The following RAD51C variants were observed in gnomAD, a reference collection of about 807,000 sequenced individuals.
RAD51C encodes RAD51 paralog C, also known as DNA repair protein RAD51 homolog 3.
In RAD51C, 42 loss-of-function variants were observed where a neutral mutation model predicts 45.0. The ratio of observed to expected loss-of-function variants is 0.93; its 90% CI spans 0.73 to 1.21. The LOEUF (loss-of-function observed/expected upper bound fraction) is 1.21. Ranked by LOEUF, RAD51C falls within the 50% of genes most tolerant of loss-of-function variation. The probability of loss-of-function intolerance (pLI) is 0.00; values close to 1 mark genes in which losing one functional copy is unlikely to be tolerated. For synonymous variants in RAD51C, 172 were observed against 159.8 expected (o/e 1.08, Z -0.58); for missense variants, 474 against 452.2 (o/e 1.05, Z -0.44).
intron 1 of RAD51C, 48 bp downstream of exon 1, chr17:58,692,836 C>T (rs2047825211): frequency 1.2e-6 from 2 of 1,613,554 alleles, no homozygotes; most frequent in Non-Finnish European, 1.7e-6. Context: ...GCCGTCAGCG[C>T]CGCCTCAGTC....
Position 58,734,467 on chromosome 17 carries a change from C to A in RAD51C, c.*245C>A. The A allele has an allele frequency of 1.6e-6, 1 of 621,298 alleles. No individual in the cohort carries two copies. Among genetic ancestry groups the A allele is most frequent in the Non-Finnish European group, 2.6e-6 (1 of 377,936 alleles). The allele number at this position is 621,298 out of a possible 1,614,324, so 38.5% of individuals were successfully genotyped here. A position where few individuals can be genotyped will look rare whatever the true frequency, so the allele number is the denominator to read the frequency against. ...TTCAGTAGAGATGATTATTATATTT[C>A]ACAAATGTGGAAAGCTGATCTCATG... On this transcript the variant is annotated 3_prime_UTR_variant, in exon 9 of 9. Coordinates refer to ENST00000337432, the MANE Select transcript of RAD51C (RefSeq NM_058216.3).
At chr17:58,692,587 C>G (rs575897767), upstream of RAD51C, 1 of 1,600,066 alleles carries the variant, frequency 6.2e-7, no homozygotes, top group African/African-American at 1.4e-5. Flanking sequence ...TCACGCCGCA[C>G]GCCCCAGCGA....
chr17:58,726,432 GTATACGTATAGATGTATA>G (rs2049131808), intron 7 of RAD51C, among the ~76,000 whole-genome samples: 1 of 149,670 alleles, frequency 6.7e-6, no homozygotes. Flanking sequence ...GTATATATGT[GTATACGTATAGATGTATA>G]TACATATGTA....
In RAD51C at chr17:58,730,360, T is replaced by C. The variant is rs1199910116; in HGVS notation, c.966-2124T>C. Among the ~76,000 whole-genome samples, 4 of 148,804 alleles carry C rather than the reference T, an allele frequency of 2.7e-5. No individual in the cohort carries two copies. The South Asian group carries it at 8.5e-4, about 32-fold the overall frequency. On this transcript the variant is annotated intron_variant, in intron 7 of 8. Transcript: ENST00000337432. ...TTTTTTTTTTTTTTTGTATCTTTAG[T>C]AGAGATGGGGGTTTCACCGTGTTGG...
At position 58,734,168 on chromosome 17, in the gene RAD51C, A is replaced by G. The variant is rs763424319; in HGVS notation, c.1077A>G (p.Thr359=). Residue 359 remains threonine, a synonymous_variant, in exon 9 of 9, where the codon ACA becomes ACG. Coordinates refer to ENST00000337432, the MANE Select transcript of RAD51C (RefSeq NM_058216.3). ...TVVTSACSLQ[T]EGSLSTRKRS... is the part of the protein sequence containing the mutation. ...TTACTTCTGCATGTTCATTGCAAAC[A>G]GAAGGTTCCTTGAGCACCCGGAAAC... 3 of 1,613,732 alleles carry G rather than the reference A, an allele frequency of 1.9e-6. No homozygotes were observed. Among genetic ancestry groups the G allele is most frequent in the African/African-American group, 2.7e-5 (2 of 74,946 alleles).
intron 8 of RAD51C, 21 bp from the exon 9 acceptor site, chr17:58,734,097 T>C (rs771792494): frequency 6.2e-7 from 1 of 1,600,732 alleles, no homozygotes; most frequent in Non-Finnish European, 8.5e-7. Context: ...CATATTTGTA[T>C]ATATATTTTT....
intron 4 of RAD51C, 110 bp from the exon 5 acceptor site, chr17:58,709,749 A>T: frequency 9.5e-7 from 1 of 1,052,868 alleles, no homozygotes; most frequent in Non-Finnish European, 1.4e-6. Context: ...AAGACAGAAG[A>T]ATATAGTAAA....
chr17:58,697,112 A>G (rs2048045134), intron 3 of RAD51C, among the ~76,000 whole-genome samples: 1 of 152,164 alleles, frequency 6.6e-6, no homozygotes, highest in Non-Finnish European at 1.5e-5. Context: ...TATGTATTTC[A>G]GTCATCATAC....
chr17:58,728,244 C>CA (rs879559136), intron 7 of RAD51C, among the ~76,000 whole-genome samples: 339 of 123,846 alleles, frequency 2.7e-3, no homozygotes, highest in African/African-American at 6.4e-3. Context: ...GACTCTGTCT[C>CA]AAAAAAAAAA....
chr17:58,715,055 C>A (rs899636978), intron 5 of RAD51C, among the ~76,000 whole-genome samples: 1 of 151,526 alleles, frequency 6.6e-6, no homozygotes, highest in Non-Finnish European at 1.5e-5. Context: ...GCAAATTTTT[C>A]TTGCGGTCAA....
At chr17:58,717,479 C>A (rs1422980481) in intron 5 of RAD51C, among the ~76,000 whole-genome samples, 7 of 151,910 alleles carry the variant, frequency 4.6e-5, no homozygotes, top group Non-Finnish European at 8.8e-5. Context: ...TGGCTCATGC[C>A]TGTAATCCTA....
intron 7 of RAD51C, among the ~76,000 whole-genome samples, chr17:58,728,404 C>CTT (rs71143283): frequency 3.1e-5 from 4 of 129,670 alleles, no homozygotes; most frequent in Non-Finnish European, 6.5e-5. Flanking sequence ...TTTTTTTTTT[C>CTT]TTTTTTTTTT....
At chr17:58,722,471 T>C (rs2048951547) in intron 6 of RAD51C, among the ~76,000 whole-genome samples, 1 of 152,180 alleles carries the variant, frequency 6.6e-6, no homozygotes, top group South Asian at 2.1e-4. Context: ...TGAATTTTAC[T>C]TAAATTTAAA....
intron 1 of RAD51C, 146 bp from the exon 2 acceptor site, chr17:58,694,785 A>G (rs948331611): frequency 7.8e-6 from 7 of 902,230 alleles, no homozygotes; most frequent in Non-Finnish European, 1.2e-5. Flanking sequence ...AAACTGAAAA[A>G]TTAAATGGTT....
intron 1 of RAD51C, 108 bp downstream of exon 1, chr17:58,692,896 C>A: frequency 6.6e-7 from 1 of 1,507,328 alleles, no homozygotes; most frequent in Non-Finnish European, 9.2e-7. Flanking sequence ...GATTCTGCTT[C>A]CTCCCACGTC....
At chr17:58,692,910 G>A in intron 1 of RAD51C, 122 bp downstream of exon 1, 6 of 1,441,282 alleles carry the variant, frequency 4.2e-6, no homozygotes, top group Non-Finnish European at 5.8e-6. Context: ...CCACGTCCAT[G>A]TTTACAGCGT....
chr17:58,702,364 A>G (rs2048238893), intron 3 of RAD51C, among the ~76,000 whole-genome samples: 1 of 152,150 alleles, frequency 6.6e-6, no homozygotes, highest in South Asian at 2.1e-4. Context: ...TACATAGCCT[A>G]ATATGTAAGG....
intron 7 of RAD51C, among the ~76,000 whole-genome samples, chr17:58,731,072 A>G (rs1284545701): frequency 1.3e-5 from 2 of 152,108 alleles, no homozygotes; most frequent in African/African-American, 4.8e-5. Context: ...ACTTAGTATA[A>G]TGTCTTCAAG....
chr17:58,716,864 G>A (rs1390513370), intron 5 of RAD51C, among the ~76,000 whole-genome samples: 4 of 151,018 alleles, frequency 2.6e-5, no homozygotes, highest in African/African-American at 9.8e-5. Context: ...TCTGCCTCCC[G>A]GGTTCACCAT....
Sources: allele counts gnomAD v4.1 joint callset (sites outside exome capture counted in the v4.1 genomes callset), GRCh38; gene constraint gnomAD v4.1.1; transcripts MANE v1.5; gene names NCBI Gene and HGNC (gene_info 2026-07-23, HGNC 2026-07-21).